The following ZNF764 variants were observed in gnomAD, a reference collection of about 807,000 sequenced individuals.
ZNF764 encodes zinc finger protein 764.
In ZNF764, 10 loss-of-function variants were observed where a neutral mutation model predicts 13.9. That is an observed-to-expected ratio of 0.72 (90% CI 0.44 to 1.22). The LOEUF (loss-of-function observed/expected upper bound fraction) is 1.22. Ranked by LOEUF, ZNF764 falls within the 50% of genes most tolerant of loss-of-function variation. ZNF764 has a pLI of 0.00. For synonymous variants in ZNF764, 313 were observed against 255.1 expected, an observed-to-expected ratio of 1.23 and a Z score of -2.16; for missense variants, 647 against 589.7, an observed-to-expected ratio of 1.10 and a Z score of -1.01.
In ZNF764 at chr16:30,558,257, G is replaced by A. The variant is rs1011038922; in HGVS notation, c.-75C>T. The A allele has an allele frequency of 3.5e-6, 5 of 1,437,424 alleles. No homozygotes were observed. Among genetic ancestry groups the A allele is most frequent in the South Asian group, 1.4e-5 (1 of 69,892 alleles). The allele number at this position is 1,437,424 out of a possible 1,614,324, so 89.0% of individuals were successfully genotyped here. ...TGGGCCTGCGGAACCTCCTGCGCCC[G>A]AGAAAGCCTCCCCGGCCCGGGCCCA... On this transcript the variant is annotated 5_prime_UTR_variant, in exon 1 of 3. Coordinates refer to ENST00000395091, the MANE Select transcript of ZNF764 (RefSeq NM_001172679.2).
At position 30,558,246 on chromosome 16, in the gene ZNF764, C is replaced by T. The variant is rs2051575975; in HGVS notation, c.-64G>A. On this transcript the variant is annotated 5_prime_UTR_variant, in exon 1 of 3. Transcript: ENST00000395091. ...CTGGCCTGGCCTGGGCCTGCGGAAC[C>T]TCCTGCGCCCGAGAAAGCCTCCCCG... The T allele has an allele frequency of 6.9e-7, 1 of 1,452,572 alleles. No homozygotes were observed. The highest frequency in any genetic ancestry group is 9.0e-7 in the Non-Finnish European group (1 of 1,106,378). The allele number at this position is 1,452,572 out of a possible 1,614,324, so 90.0% of individuals were successfully genotyped here.
At position 30,555,647 on chromosome 16, in the gene ZNF764, G is replaced by A. The variant is rs2051546268; in HGVS notation, c.771C>T (p.Pro257=). 1 of 1,543,812 alleles carries A rather than the reference G, an allele frequency of 6.5e-7. No homozygotes were observed. The part of the protein sequence containing the change: ...SHLRVHTGEK[P]YGCADCGRRF... ...GGCGGCCACAGTCGGCGCAGCCATAGGGTTTCTCGCCGGTGTGGACGCGCA... is the reference window on the plus strand; with the variant it reads ...GGCGGCCACAGTCGGCGCAGCCATAAGGTTTCTCGCCGGTGTGGACGCGCA... The change falls in exon 3 of 3, where the codon CCC becomes CCT. Residue 257 remains proline, a synonymous_variant. Transcript: ENST00000395091.
chr16:30,556,313 G>C (rs1294140445), intron 2 of ZNF764, among the ~76,000 whole-genome samples: 3 of 152,068 alleles, frequency 2.0e-5, no homozygotes, highest in Non-Finnish European at 4.4e-5. Context: ...GAAATGTCAC[G>C]GTGGGGGAAG....
At position 30,556,026 on chromosome 16, in the gene ZNF764, G is replaced by A. The variant is rs2051553208; in HGVS notation, c.392C>T (p.Pro131Leu). The A allele has an allele frequency of 6.2e-7, 1 of 1,613,016 alleles. No individual in the cohort carries two copies. The highest frequency in any genetic ancestry group is 1.1e-5 in the South Asian group (1 of 91,062). ...GGGGGCTTGGGGAGACTTCAGCCCA[G>A]GAGACCCGGCGGCCACAGGGTCGGG... ...EKPDPVAAGSPGLKSPQAPSA... is the reference protein window; with the variant it reads ...EKPDPVAAGSLGLKSPQAPSA... Residue 131 changes from proline (P) to leucine (L), a missense_variant, in exon 3 of 3, where the codon CCT (proline) becomes CTT (leucine). Coordinates refer to ENST00000395091, the MANE Select transcript of ZNF764 (RefSeq NM_001172679.2).
rs2051550133 is a variant in ZNF764 at position 30,555,864 on chromosome 16, C to T, written c.554G>A (p.Trp185Ter). ...GCYVCGKSFA[W>*]RSTLVEHVYS... ...GACGTGCTCCACCAGTGTGGAGCGC[C>T]AGGCAAAGCTCTTCCCGCACACGTA... The change falls in exon 3 of 3, where the codon TGG becomes TAG. Residue 185 changes from tryptophan to a stop codon, truncating the protein, a stop_gained. Transcript: ENST00000395091. LOFTEE classifies it low-confidence loss of function (END_TRUNC). 1.9e-6 allele frequency: 3 copies of T among 1,612,372 alleles called. No individual in the cohort carries two copies. Among genetic ancestry groups the T allele is most frequent in the Non-Finnish European group, 2.5e-6 (3 of 1,179,664 alleles).
chr16:30,557,072 G>A (rs1235155077), intron 2 of ZNF764, among the ~76,000 whole-genome samples: 4 of 151,886 alleles, frequency 2.6e-5, no homozygotes, highest in African/African-American at 9.7e-5. Context: ...CCAGGGAGGC[G>A]GAGCTTGCAC....
chr16:30,555,286 G>A lies in ZNF764; in HGVS notation c.1132C>T (p.Arg378Cys), dbSNP rs746773274. ...CCAGGGGTCAGGGTCACAGACAGAC[G>A]CCCGGCGACCCGGCCCCTGTGGCCC... ...AGGHRGRVAGRLSVTLTPGHG... is the reference protein window; with the variant it reads ...AGGHRGRVAGCLSVTLTPGHG... Residue 378 changes from arginine (R) to cysteine (C), a missense_variant, in exon 3 of 3, where the codon CGT becomes TGT. Physicochemically the swap from Arg to Cys is radical, Grantham distance 180. Coordinates refer to ENST00000395091, the MANE Select transcript of ZNF764 (RefSeq NM_001172679.2). The A allele has an allele frequency of 1.2e-6, 2 of 1,612,226 alleles. No individual in the cohort carries two copies. The highest frequency in any genetic ancestry group is 4.5e-5 in the East Asian group (2 of 44,876).
rs549155581 is a variant in ZNF764, at chr16:30,555,638, G to A, written c.780C>T (p.Cys260=). The stretch of plus-strand genomic sequence containing the variant: ...GGCTGAAGCGGCGGCCACAGTCGGC[G>A]CAGCCATAGGGTTTCTCGCCGGTGT... The part of the protein sequence containing the change: ...RVHTGEKPYG[C]ADCGRRFSQS... Residue 260 remains cysteine (C), a synonymous_variant, in exon 3 of 3, where the codon TGC becomes TGT. Coordinates refer to ENST00000395091, the MANE Select transcript of ZNF764 (RefSeq NM_001172679.2). 1.2e-5 allele frequency: 18 copies of A among 1,539,340 alleles called. No homozygotes were observed. Among genetic ancestry groups the A allele is most frequent in the Non-Finnish European group, 1.6e-5 (18 of 1,147,338 alleles).
At position 30,557,328 on chromosome 16, in the gene ZNF764, C is replaced by T. The variant is rs544628116; in HGVS notation, c.310+405G>A. On this transcript the variant is annotated intron_variant, in intron 2 of 2. Transcript: ENST00000395091. The stretch of plus-strand genomic sequence containing the variant: ...CTAAAAAAAAAAATTACCCAGGCTT[C>T]GTGGCGAGCACCTGTACAGTCTTAG... 9.0e-4 allele frequency among the ~76,000 whole-genome samples: 137 copies of T among 151,928 alleles called. No homozygotes were observed. The Middle Eastern group carries it at 0.01, about 11-fold the overall frequency.
chr16:30,555,705 GC>G lies in ZNF764; in HGVS notation c.712del (p.Ala238ProfsTer8). 6.3e-7 allele frequency: 1 copy of G among 1,583,228 alleles called. No individual in the cohort carries two copies. Reference protein sequence around the residue: ...RPHRCLECGRAFTQRSALTSH... With the variant: ...RPHRCLECGRXFTQRSALTSH... ...AGTCAGCGCCGAGCGCTGCGTGAAG[GC>G]CCGGCCACACTCCAGACAGCGGTGG... On this transcript the variant is annotated frameshift_variant, in exon 3 of 3. Transcript: ENST00000395091. LOFTEE classifies it low-confidence loss of function (END_TRUNC).
In ZNF764 at chr16:30,555,690, G is replaced by C; in HGVS notation, c.728C>G (p.Ser243Trp). 1.3e-6 allele frequency: 2 copies of C among 1,569,486 alleles called. No individual in the cohort carries two copies. The highest frequency in any genetic ancestry group is 1.7e-6 in the Non-Finnish European group (2 of 1,160,930). Reference sequence around the variant, plus strand: ...GACGCGCAGGTGCGAAGTCAGCGCCGAGCGCTGCGTGAAGGCCCGGCCACA... The same window carrying C: ...GACGCGCAGGTGCGAAGTCAGCGCCCAGCGCTGCGTGAAGGCCCGGCCACA... ...LECGRAFTQR[S>W]ALTSHLRVHT... The change falls in exon 3 of 3, where the codon TCG becomes TGG. Residue 243 changes from serine (S) to tryptophan (W), a missense_variant. Physicochemically the swap from Ser to Trp is radical, Grantham distance 177. Coordinates refer to ENST00000395091, the MANE Select transcript of ZNF764 (RefSeq NM_001172679.2).
In ZNF764 at chr16:30,557,982, C is replaced by T; in HGVS notation, c.196+5G>A. On this transcript the variant is annotated splice_donor_5th_base_variant and intron_variant, in intron 1 of 2. Transcript: ENST00000395091. ...AGGGCTCAGGCGAGCAGGTGGGGCT[C>T]TCACCGAGAGCGCTCAGGTGGCCGT... The T allele has an allele frequency of 6.3e-7, 1 of 1,595,318 alleles. No individual in the cohort carries two copies. The highest frequency in any genetic ancestry group is 1.1e-5 in the South Asian group (1 of 88,984).
At chr16:30,556,776 G>A (rs1229312519) in intron 2 of ZNF764, among the ~76,000 whole-genome samples, 1 of 152,094 alleles carries the variant, frequency 6.6e-6, no homozygotes. Context: ...CGAAGCAGGC[G>A]AATCGCTTAG....
chr16:30,558,003 G>GC lies in ZNF764; in HGVS notation c.179dup (p.His61ProfsTer111). The GC allele has an allele frequency of 6.2e-7, 1 of 1,606,206 alleles. No individual in the cohort carries two copies. Among genetic ancestry groups the GC allele is most frequent in the Non-Finnish European group, 8.5e-7 (1 of 1,176,816 alleles). On this transcript the variant is annotated frameshift_variant, in exon 1 of 3. Transcript: ENST00000395091. LOFTEE classifies it high-confidence loss of function. Reference sequence around the variant, plus strand: ...GGCTCTCACCGAGAGCGCTCAGGTGGCCGTAGGTCTCCCGCATCACGTCCC... The same window carrying GC: ...GGCTCTCACCGAGAGCGCTCAGGTGGCCCGTAGGTCTCCCGCATCACGTCCC...
Position 30,555,152 on chromosome 16 carries a change from C to T in ZNF764, c.*42G>A. Reference sequence around the variant, plus strand: ...CAGAGGTTCGGGCCCCTGAGCCCATCTCGGGCCTCCCGTAATGTCTAGATA... The same window carrying T: ...CAGAGGTTCGGGCCCCTGAGCCCATTTCGGGCCTCCCGTAATGTCTAGATA... On this transcript the variant is annotated 3_prime_UTR_variant, in exon 3 of 3. Transcript: ENST00000395091. 1 of 1,552,132 alleles carries T rather than the reference C, an allele frequency of 6.4e-7. No homozygotes were observed. The highest frequency in any genetic ancestry group is 8.7e-7 in the Non-Finnish European group (1 of 1,151,094).
At chr16:30,556,669 G>GCAA (rs935920006) in intron 2 of ZNF764, among the ~76,000 whole-genome samples, 10 of 151,402 alleles carry the variant, frequency 6.6e-5, no homozygotes, top group Admixed American at 3.3e-4. Flanking sequence ...ACCAGCCTGG[G>GCAA]CAACACACCG....
Position 30,555,467 on chromosome 16 carries a change from C to T in ZNF764, c.951G>A (p.Pro317=), listed in dbSNP as rs759869417. The change falls in exon 3 of 3, where the codon CCG becomes CCA. Residue 317 remains proline (P), a synonymous_variant. Transcript: ENST00000395091. ...THTGEKPYPC[P]DCGRCFRQSS... The stretch of plus-strand genomic sequence containing the variant: ...TCTGGCGGAAGCAGCGCCCGCAGTC[C>T]GGGCACGGGTAGGGCTTCTCGCCGG... The T allele has an allele frequency of 3.2e-6, 5 of 1,558,200 alleles. No homozygotes were observed. The highest frequency in any genetic ancestry group is 1.7e-4 in the Middle Eastern group (1 of 5,806).
Position 30,558,234 on chromosome 16 carries a change from G to A in ZNF764, c.-52C>T, listed in dbSNP as rs756410353. The A allele has an allele frequency of 5.4e-6, 8 of 1,477,928 alleles. No individual in the cohort carries two copies. Among genetic ancestry groups the A allele is most frequent in the Non-Finnish European group, 6.2e-6 (7 of 1,120,432 alleles). The allele number at this position is 1,477,928 out of a possible 1,614,324, so 91.6% of individuals were successfully genotyped here. A position where few individuals can be genotyped will look rare whatever the true frequency, so the allele number is the denominator to read the frequency against. On this transcript the variant is annotated 5_prime_UTR_variant, in exon 1 of 3. Coordinates refer to ENST00000395091, the MANE Select transcript of ZNF764 (RefSeq NM_001172679.2). ...CGGCTGCCTCCCCTGGCCTGGCCTG[G>A]GCCTGCGGAACCTCCTGCGCCCGAG...
In ZNF764 at chr16:30,555,917, G is replaced by A. The variant is rs2051550829; in HGVS notation, c.501C>T (p.Val167=). 1 of 1,611,718 alleles carries A rather than the reference G, an allele frequency of 6.2e-7. No homozygotes were observed. The highest frequency in any genetic ancestry group is 8.5e-7 in the Non-Finnish European group (1 of 1,179,224). Residue 167 remains valine (V), a synonymous_variant, in exon 3 of 3, where the codon GTC becomes GTT. Transcript: ENST00000395091. ...AGCCATGACGCTGGTCAGCTCGGGG[G>A]ACAGGGGGGTGGGCACAGAGGGAGG... The part of the protein sequence containing the change: ...GRPSLCAHPP[V]PRADQRHGCY...
Sources: gnomAD v4.1 joint callset for allele counts (sites outside exome capture counted in the v4.1 genomes callset) on GRCh38, gnomAD v4.1.1 for gene constraint, MANE v1.5 for transcripts, NCBI Gene and HGNC (gene_info 2026-07-23, HGNC 2026-07-21) for gene names.